The following MYT1 variants were observed in gnomAD, a reference collection of about 807,000 sequenced individuals.
The protein encoded by MYT1 is myelin transcription factor I.
Under a neutral mutation model 123.0 loss-of-function variants are expected in MYT1, and 23 were observed. That is an observed-to-expected ratio of 0.19 (90% CI 0.13 to 0.26). The LOEUF (loss-of-function observed/expected upper bound fraction) is 0.26, where lower values mean the gene tolerates loss of function less well. MYT1 is among the 10% of genes least tolerant of loss of function. MYT1 has a pLI of 1.00. For synonymous variants in MYT1, 518 were observed against 575.3 expected, an observed-to-expected ratio of 0.90 and a Z score of 1.43; for missense variants, 1,125 against 1,472.5, an observed-to-expected ratio of 0.76 and a Z score of 3.86.
intron 19 of MYT1, among the ~76,000 whole-genome samples, chr20:64,235,797 CA>C (rs1984511256): frequency 7.4e-4 from 52 of 70,606 alleles, no homozygotes; most frequent in Non-Finnish European, 9.1e-4. Context: ...TGGTGGGTGA[CA>C]CTGGGCTGGC....
At chr20:64,233,001 G>GT (rs1290160504) in intron 19 of MYT1, among the ~76,000 whole-genome samples, 10 of 151,698 alleles carry the variant, frequency 6.6e-5, no homozygotes, top group African/African-American at 2.2e-4. Flanking sequence ...CTTCCTGTCT[G>GT]TGTCCTATGG....
intron 1 of MYT1, among the ~76,000 whole-genome samples, chr20:64,172,034 C>T (rs1043393131): frequency 6.6e-5 from 10 of 152,230 alleles, no homozygotes; most frequent in African/African-American, 2.4e-4. Context: ...ACTGGCCACC[C>T]ACTTCCTGCC....
At chr20:64,238,389 G>A (rs1038752482) in intron 21 of MYT1, among the ~76,000 whole-genome samples, 2 of 151,234 alleles carry the variant, frequency 1.3e-5, no homozygotes, top group Admixed American at 6.6e-5. Flanking sequence ...GTCTCTACTG[G>A]CAAACAGGCT....
At chr20:64,206,714 A>C (rs1393383334) in intron 6 of MYT1, among the ~76,000 whole-genome samples, 1 of 152,184 alleles carries the variant, frequency 6.6e-6, no homozygotes, top group Non-Finnish European at 1.5e-5. Flanking sequence ...CCCAGGTAGA[A>C]AAGACACACA....
At chr20:64,195,390 G>GTT (rs1163954192) in intron 2 of MYT1, among the ~76,000 whole-genome samples, 2 of 81,638 alleles carry the variant, frequency 2.4e-5, no homozygotes, top group East Asian at 5.0e-4. Context: ...GTGTGTGTGT[G>GTT]TGTGTGTATA....
chr20:64,172,153 G>A (rs1982302818), intron 1 of MYT1, among the ~76,000 whole-genome samples: 1 of 152,116 alleles, frequency 6.6e-6, no homozygotes, highest in South Asian at 2.1e-4. Context: ...TCCAGGCTGG[G>A]AAATTACCAT....
chr20:64,209,590 G>A (rs1228381633), intron 7 of MYT1, among the ~76,000 whole-genome samples: 4 of 152,216 alleles, frequency 2.6e-5, no homozygotes, highest in Non-Finnish European at 4.4e-5. Context: ...GGAGGGAGCA[G>A]ATAAGGAGAG....
At chr20:64,235,429 T>C (rs1393945399) in intron 19 of MYT1, among the ~76,000 whole-genome samples, 6 of 120,542 alleles carry the variant, frequency 5.0e-5, no homozygotes, top group East Asian at 2.8e-4. Context: ...GCTGGGATGG[T>C]CATGGTGGGT....
Position 64,220,955 on chromosome 20 carries a change from G to A in MYT1, c.2242-938G>A, listed in dbSNP as rs535126164. On this transcript the variant is annotated intron_variant, in intron 13 of 22. Transcript: ENST00000328439. ...CTGGATCAGGCCCCCTCCACAATCC[G>A]GCCTCAGTGGGAGGCAGACTTCCTT... Among the ~76,000 whole-genome samples, 204 of 152,030 alleles carry A rather than the reference G, an allele frequency of 1.3e-3. 1 individual carries two copies. In the Middle Eastern group the frequency reaches 0.014, roughly 10 times the overall value.
At position 64,186,717 on chromosome 20, in the gene MYT1, C is replaced by T. The variant is rs557837440; in HGVS notation, c.-98-3346C>T. 6.6e-6 allele frequency among the ~76,000 whole-genome samples: 1 copy of T among 152,380 alleles called. No homozygotes were observed. The highest frequency in any genetic ancestry group is 1.5e-5 in the Non-Finnish European group (1 of 68,036). On this transcript the variant is annotated intron_variant, in intron 1 of 22. Coordinates refer to ENST00000328439, the MANE Select transcript of MYT1 (RefSeq NM_004535.3). This position sits in a 1 kb window ranked among gnomAD's most constrained non-coding sequence, Gnocchi z 4.3. ...TGGAGCAGCATGACTTCTGGAAGGGCGTCTTTATGGAACACCTCCACGTTT... is the reference window on the plus strand; with the variant it reads ...TGGAGCAGCATGACTTCTGGAAGGGTGTCTTTATGGAACACCTCCACGTTT...
chr20:64,187,378 A>C (rs1360284801), intron 1 of MYT1, among the ~76,000 whole-genome samples: 3 of 148,756 alleles, frequency 2.0e-5, no homozygotes, highest in East Asian at 4.0e-4. Context: ...GTTTCCGTGG[A>C]GAGTTTTCCT....
rs757526840 is a variant in MYT1 at position 64,207,988 on chromosome 20, G to GAAGAA, written c.792_793insAAGAA (p.Glu265LysfsTer49). ...GTCACGAAGAGGAGGACGAGGAGGA[G>GAAGAA]GAGGAGGAGGAAGAGGAGGAGGAGG... On this transcript the variant is annotated frameshift_variant, in exon 7 of 23. Coordinates refer to ENST00000328439, the MANE Select transcript of MYT1 (RefSeq NM_004535.3). LOFTEE classifies it high-confidence loss of function. 6.3e-7 allele frequency: 1 copy of GAAGAA among 1,598,708 alleles called. No individual in the cohort carries two copies. The highest frequency in any genetic ancestry group is 8.5e-7 in the Non-Finnish European group (1 of 1,173,608).
intron 19 of MYT1, among the ~76,000 whole-genome samples, chr20:64,234,220 T>C (rs867041348): frequency 6.6e-6 from 1 of 152,176 alleles, no homozygotes; most frequent in Non-Finnish European, 1.5e-5. Context: ...TGCTTGAGTG[T>C]CTATATCCGA....
In MYT1 at chr20:64,213,000, T is replaced by C. The variant is rs772979958; in HGVS notation, c.1518-534T>C. ...CTGGCGCTGGAGCTCACAGTTAACT[T>C]TATTCTGACAGATGAAGCTGCTGCC... On this transcript the variant is annotated intron_variant, in intron 9 of 22. Transcript: ENST00000328439. This position sits in a 1 kb window ranked among gnomAD's most constrained non-coding sequence, Gnocchi z 6.8. Among the ~76,000 whole-genome samples, 1 of 152,154 alleles carries C rather than the reference T, an allele frequency of 6.6e-6. No homozygotes were observed. Among genetic ancestry groups the C allele is most frequent in the Non-Finnish European group, 1.5e-5 (1 of 68,020 alleles).
At chr20:64,171,053 A>T (rs1982263288) in intron 1 of MYT1, among the ~76,000 whole-genome samples, 1 of 147,326 alleles carries the variant, frequency 6.8e-6, no homozygotes, top group Non-Finnish European at 1.5e-5. Context: ...GGGACTGCAG[A>T]TGCGTGCCAC....
At chr20:64,215,825 C>T (rs938342377) in intron 10 of MYT1, among the ~76,000 whole-genome samples, 2 of 151,490 alleles carry the variant, frequency 1.3e-5, no homozygotes, top group South Asian at 2.1e-4. Context: ...TTTCTTACTC[C>T]TGGCTTCAAC....
chr20:64,207,951 A>G lies in MYT1; in HGVS notation c.755A>G (p.Lys252Arg). 6.2e-7 allele frequency: 1 copy of G among 1,610,204 alleles called. No homozygotes were observed. Among genetic ancestry groups the G allele is most frequent in the Non-Finnish European group, 8.5e-7 (1 of 1,178,496 alleles). ...GCCAGTGAGGAGTCCAGCAAGCAGA[A>G]AGGCATCCTGAGTCACGAAGAGGAG... The part of the protein sequence containing the change: ...DAASEESSKQ[K>R]GILSHEEEDE... The change falls in exon 7 of 23, where the codon AAA (lysine) becomes AGA (arginine). Residue 252 changes from lysine to arginine, a missense_variant. Coordinates refer to ENST00000328439, the MANE Select transcript of MYT1 (RefSeq NM_004535.3).
chr20:64,224,623 A>G (rs1984114193), intron 16 of MYT1, among the ~76,000 whole-genome samples: 1 of 152,194 alleles, frequency 6.6e-6, no homozygotes, highest in Admixed American at 6.5e-5. Flanking sequence ...TTATTCATTC[A>G]TTCTGCCGCC....
At chr20:64,235,705 T>G (rs111810086) in intron 19 of MYT1, among the ~76,000 whole-genome samples, 2,763 of 38,680 alleles carry the variant, frequency 0.071, 35 homozygotes, top group Middle Eastern at 0.081. Flanking sequence ...GGGTGACCCT[T>G]GGCTGGCCGT....
Sources: allele counts gnomAD v4.1 joint callset (sites outside exome capture counted in the v4.1 genomes callset), GRCh38; gene constraint gnomAD v4.1.1; non-coding constraint Gnocchi (gnomAD v3.1); transcripts MANE v1.5; gene names NCBI Gene and HGNC (gene_info 2026-07-23, HGNC 2026-07-21).